PTPRM: variants seen among roughly 807,000 people sequenced by gnomAD.
PTPRM encodes protein tyrosine phosphatase receptor type M.
In PTPRM, 47 loss-of-function variants were observed where a neutral mutation model predicts 186.7. The observed-to-expected ratio is 0.25, with a 90% confidence interval of 0.20 to 0.32. The LOEUF (loss-of-function observed/expected upper bound fraction) is 0.32. Ranked by LOEUF, PTPRM falls within the 10% of genes least tolerant of loss-of-function variation. The pLI is 1.00. For missense variants in PTPRM, 1,494 were observed against 1,865.0 expected, an observed-to-expected ratio of 0.80 and a Z score of 3.66; for synonymous variants, 668 against 674.9, an observed-to-expected ratio of 0.99 and a Z score of 0.16.
At chr18:7,892,767 C>T (rs778028446) in intron 3 of PTPRM, among the ~76,000 whole-genome samples, 1 of 152,176 alleles carries the variant, frequency 6.6e-6, no homozygotes, top group Admixed American at 6.5e-5. Context: ...CAGCATCGTC[C>T]GATTCTGGTG....
rs201360432 is a variant in PTPRM at position 8,405,334 on chromosome 18, C to CT, written c.4345-772dup. Among the ~76,000 whole-genome samples the CT allele has an allele frequency of 8.3e-3, 1,258 of 152,210 alleles. 14 individuals are homozygous for CT. Among genetic ancestry groups the CT allele is most frequent in the African/African-American group, 0.028 (1,169 of 41,494 alleles). ...ATTAACGGGTGAGGATGGCCACGTA[C>CT]TTTATCCAAACTAGGGCACTTTGAG... On this transcript the variant is annotated intron_variant, in intron 32 of 32. Transcript: ENST00000580170.
chr18:7,591,673 G>T (rs2143635206), intron 1 of PTPRM, among the ~76,000 whole-genome samples: 1 of 152,284 alleles, frequency 6.6e-6, no homozygotes, highest in African/African-American at 2.4e-5. Context: ...AATTCTAGTT[G>T]CTTGTGTTTA....
At chr18:7,646,775 T>G (rs1298609807) in intron 1 of PTPRM, among the ~76,000 whole-genome samples, 1 of 152,182 alleles carries the variant, frequency 6.6e-6, no homozygotes, top group Non-Finnish European at 1.5e-5. Context: ...TAGGTGGTAC[T>G]GGCCGCTCCT....
chr18:7,840,207 C>A (rs2046256882), intron 2 of PTPRM, among the ~76,000 whole-genome samples: 1 of 152,028 alleles, frequency 6.6e-6, no homozygotes. Flanking sequence ...TGTGTGCTCA[C>A]CTGATTTTTG....
At chr18:7,978,260 G>A (rs909003137) in intron 7 of PTPRM, among the ~76,000 whole-genome samples, 1 of 152,096 alleles carries the variant, frequency 6.6e-6, no homozygotes, top group Non-Finnish European at 1.5e-5. Context: ...GTGACTAGTC[G>A]TATAGAACAT....
chr18:7,706,687 A>T (rs766874525), intron 1 of PTPRM, among the ~76,000 whole-genome samples: 9 of 151,118 alleles, frequency 6.0e-5, no homozygotes, highest in Non-Finnish European at 1.2e-4. Flanking sequence ...GGAAACCAAG[A>T]TTCTGGTATG....
intron 2 of PTPRM, among the ~76,000 whole-genome samples, chr18:7,808,875 G>T (rs906021593): frequency 6.6e-6 from 1 of 152,160 alleles, no homozygotes; most frequent in African/African-American, 2.4e-5. Context: ...ACGTGAATTT[G>T]CAGTGAGTAT....
chr18:8,151,990 T>G (rs1211192919), intron 14 of PTPRM, among the ~76,000 whole-genome samples: 1 of 152,132 alleles, frequency 6.6e-6, no homozygotes, highest in Non-Finnish European at 1.5e-5. Context: ...CTGCACCCAC[T>G]GTCCAACCAG....
Position 7,964,493 on chromosome 18 carries a change from T to A in PTPRM, c.1132+9079T>A, listed in dbSNP as rs116805205. Among the ~76,000 whole-genome samples the A allele has an allele frequency of 1.6e-3, 248 of 152,324 alleles. 1 individual carries two copies. The highest frequency in any genetic ancestry group is 5.8e-3 in the African/African-American group (241 of 41,576). The stretch of plus-strand genomic sequence containing the variant: ...TTTGTTTTAAACAGTACCAGCATTG[T>A]CTTCATAATGCTGCTGGGAAAATTA... On this transcript the variant is annotated intron_variant, in intron 7 of 32. Transcript: ENST00000580170.
chr18:7,868,044 A>G (rs949847853), intron 2 of PTPRM, among the ~76,000 whole-genome samples: 4 of 152,118 alleles, frequency 2.6e-5, no homozygotes, highest in African/African-American at 7.2e-5. Flanking sequence ...TTTCAGCTCC[A>G]TCAGGTCATT....
chr18:8,196,507 T>C (rs548523986), intron 14 of PTPRM, among the ~76,000 whole-genome samples: 1 of 152,328 alleles, frequency 6.6e-6, no homozygotes, highest in South Asian at 2.1e-4. Flanking sequence ...ACTCAGAAAC[T>C]ATCCTGTTTG....
chr18:7,886,636 G>A (rs1172553817), intron 2 of PTPRM, among the ~76,000 whole-genome samples: 3 of 152,136 alleles, frequency 2.0e-5, no homozygotes, highest in Non-Finnish European at 4.4e-5. Context: ...TAATGGGCTG[G>A]AAACTCAGAA....
intron 8 of PTPRM, among the ~76,000 whole-genome samples, chr18:8,073,048 G>A (rs143510724): frequency 1.2e-3 from 181 of 152,202 alleles, no homozygotes; most frequent in African/African-American, 4.1e-3. Context: ...ATCCTTCTGA[G>A]ATATCCTCTT....
intron 14 of PTPRM, among the ~76,000 whole-genome samples, chr18:8,150,219 G>A (rs2092974107): frequency 6.6e-6 from 1 of 152,132 alleles, no homozygotes; most frequent in African/African-American, 2.4e-5. Flanking sequence ...AGTTCTCCTG[G>A]ATAATATCCT....
chr18:8,272,357 T>C (rs1045139856), intron 19 of PTPRM, among the ~76,000 whole-genome samples: 1 of 152,130 alleles, frequency 6.6e-6, no homozygotes, highest in Non-Finnish European at 1.5e-5. Context: ...ATTCTTTTCT[T>C]ATTTTTAAAT....
Position 8,070,998 on chromosome 18 carries a change from C to T in PTPRM, c.1441+1004C>T, listed in dbSNP as rs535425824. Among the ~76,000 whole-genome samples, 39 of 152,298 alleles carry T rather than the reference C, an allele frequency of 2.6e-4. 1 individual carries two copies. Among genetic ancestry groups the T allele is most frequent in the Admixed American group, 1.4e-3 (21 of 15,302 alleles). ...TTTGAGTGTTTCTACCTACCCAGCA[C>T]CTGCGTATTTTTGTAGAAGAAAAAC... On this transcript the variant is annotated intron_variant, in intron 8 of 32. Transcript: ENST00000580170.
chr18:8,240,472 AGGGAGGGGAG>A, intron 14 of PTPRM, among the ~76,000 whole-genome samples: 1 of 44,850 alleles, frequency 2.2e-5, no homozygotes, highest in East Asian at 4.2e-4. Context: ...AGAGGGAGGG[AGGGAGGGGAG>A]GAGAGAGAGA....
intron 22 of PTPRM, 65 bp downstream of exon 22, chr18:8,319,279 C>A: frequency 1.7e-6 from 2 of 1,177,400 alleles, no homozygotes; most frequent in Non-Finnish European, 2.5e-6. Flanking sequence ...CATTTTGTAC[C>A]CACTTCACCC....
At chr18:8,123,259 CAAGT>C in intron 13 of PTPRM, among the ~76,000 whole-genome samples, 1 of 152,270 alleles carries the variant, frequency 6.6e-6, no homozygotes, top group Non-Finnish European at 1.5e-5. Flanking sequence ...TGATGAAAGC[CAAGT>C]AAGAAGCAGA....
Sources: gnomAD v4.1 joint callset for allele counts (sites outside exome capture counted in the v4.1 genomes callset) on GRCh38, gnomAD v4.1.1 for gene constraint, MANE v1.5 for transcripts, NCBI Gene and HGNC (gene_info 2026-07-23, HGNC 2026-07-21) for gene names.